The following KCNA6 variants were observed in gnomAD, a reference collection of about 807,000 sequenced individuals.
The protein encoded by KCNA6 is human brain potassium channel-2.
Under a neutral mutation model 29.5 loss-of-function variants are expected in KCNA6, and 17 were observed. That is an observed-to-expected ratio of 0.58 (90% CI 0.39 to 0.86). The LOEUF (loss-of-function observed/expected upper bound fraction) is 0.86, where lower values mean the gene tolerates loss of function less well. KCNA6 is among the 40% of genes least tolerant of loss of function. The pLI, the probability that KCNA6 is intolerant of heterozygous loss-of-function variation, is 0.00. For synonymous variants in KCNA6, 296 were observed against 304.7 expected (o/e 0.97, Z 0.30); for missense variants, 450 against 703.4 (o/e 0.64, Z 4.07).
At chr12:4,812,838 A>G (rs1946645089) in exon 1 of KCNA6, 1 of 167,108 alleles carries the variant, frequency 6.0e-6, no homozygotes, top group Non-Finnish European at 1.5e-5. Flanking sequence ...AGTCAAGCAA[A>G]CACTTGCCTG....
chr12:4,845,961 C>A, the KCNA6 span, among the ~76,000 whole-genome samples: 6 of 147,920 alleles, frequency 4.1e-5, no homozygotes, highest in East Asian at 1.2e-3. Flanking sequence ...CATACCTGGA[C>A]CAGACATGTT....
the KCNA6 span, among the ~76,000 whole-genome samples, chr12:4,828,091 C>T: frequency 6.6e-6 from 1 of 152,150 alleles, no homozygotes; most frequent in Non-Finnish European, 1.5e-5. Flanking sequence ...ATTTCTCCCC[C>T]AGACTAACTT....
the KCNA6 span, among the ~76,000 whole-genome samples, chr12:4,843,330 G>A: frequency 1.3e-5 from 2 of 151,758 alleles, no homozygotes; most frequent in Non-Finnish European, 2.9e-5. Context: ...ACAGGCACCC[G>A]CCACCACGCC....
At chr12:4,831,372 T>G in the KCNA6 span, among the ~76,000 whole-genome samples, 2 of 152,152 alleles carry the variant, frequency 1.3e-5, no homozygotes, top group African/African-American at 4.8e-5. Flanking sequence ...CCAGCCAAGT[T>G]AGTACCTGCT....
In KCNA6 at chr12:4,811,109, C is replaced by T; in HGVS notation, c.1068C>T (p.Ser356=). ...GGGTGTTCCGCATCTTCAAGCTCTCCCGCCACTCCAAGGGGCTGCAGATCC... is the reference window on the plus strand; with the variant it reads ...GGGTGTTCCGCATCTTCAAGCTCTCTCGCCACTCCAAGGGGCTGCAGATCC... Residue 356 remains serine (S), a synonymous_variant, in exon 1 of 1, where the codon TCC becomes TCT. Transcript: ENST00000280684. The surrounding 1 kb of genome is among the most constrained non-coding windows in gnomAD (Gnocchi z 7.1). The T allele has an allele frequency of 6.2e-7, 1 of 1,614,142 alleles. No homozygotes were observed. Among genetic ancestry groups the T allele is most frequent in the Non-Finnish European group, 8.5e-7 (1 of 1,179,976 alleles).
At chr12:4,826,448 T>C in the KCNA6 span, among the ~76,000 whole-genome samples, 2 of 152,220 alleles carry the variant, frequency 1.3e-5, no homozygotes, top group East Asian at 3.8e-4. Context: ...TCCTTTTCTG[T>C]ACATCTTGAG....
chr12:4,824,236 T>C, the KCNA6 span, among the ~76,000 whole-genome samples: 8,799 of 152,322 alleles, frequency 0.058, 282 homozygotes, highest in African/African-American at 0.088. Context: ...TTTGCCCACT[T>C]TGACAGAGTA....
In KCNA6 at chr12:4,811,631, A is replaced by G. The variant is rs759561831; in HGVS notation, c.1590A>G (p.Ter530TrpextTer12). 1.2e-6 allele frequency: 2 copies of G among 1,611,070 alleles called. No homozygotes were observed. The highest frequency in any genetic ancestry group is 1.1e-5 in the South Asian group (1 of 90,836). The change falls in exon 1 of 1, where the codon TGA (stop) becomes TGG (tryptophan). Residue 530 changes from the stop codon to tryptophan, a stop_lost. Transcript: ENST00000280684. This position sits in a 1 kb window ranked among gnomAD's most constrained non-coding sequence, Gnocchi z 7.1. ...AGAAAAGAATGCTCACGGAGGTCTGACCCATGCAGGCAGGGCCTGCAGGAG... is the reference window on the plus strand; with the variant it reads ...AGAAAAGAATGCTCACGGAGGTCTGGCCCATGCAGGCAGGGCCTGCAGGAG...
At chr12:4,839,377 C>T in the KCNA6 span, 2 of 152,196 alleles carry the variant, frequency 1.3e-5, no homozygotes, top group East Asian at 3.8e-4. Flanking sequence ...TATATTTTCT[C>T]TTCCTTATTA....
At chr12:4,837,300 C>T in the KCNA6 span, among the ~76,000 whole-genome samples, 3 of 150,782 alleles carry the variant, frequency 2.0e-5, no homozygotes, top group South Asian at 2.2e-4. Context: ...CTCTTCATCA[C>T]TATCCTTTGT....
chr12:4,824,184 C>T, the KCNA6 span, among the ~76,000 whole-genome samples: 1 of 152,146 alleles, frequency 6.6e-6, no homozygotes, highest in Non-Finnish European at 1.5e-5. Flanking sequence ...TGGTATGTGG[C>T]GAGCATTCAG....
At chr12:4,844,146 T>C in the KCNA6 span, among the ~76,000 whole-genome samples, 1 of 152,352 alleles carries the variant, frequency 6.6e-6, no homozygotes, top group South Asian at 2.1e-4. The surrounding 1 kb of genome is among the most constrained non-coding windows in gnomAD (Gnocchi z 4.0). Flanking sequence ...GCACCTACTA[T>C]GTGCCAGTCA....
the KCNA6 span, among the ~76,000 whole-genome samples, chr12:4,834,349 A>T: frequency 1.3e-5 from 2 of 152,226 alleles, no homozygotes; most frequent in Admixed American, 1.3e-4. Flanking sequence ...AGGGTGCAGA[A>T]GAAGAAACTT....
At chr12:4,817,951 A>C (rs932263627), downstream of KCNA6, among the ~76,000 whole-genome samples, 1 of 152,228 alleles carries the variant, frequency 6.6e-6, no homozygotes, top group African/African-American at 2.4e-5. Flanking sequence ...TCAAAAGGAA[A>C]TTGCAGCCAC....
the KCNA6 span, among the ~76,000 whole-genome samples, chr12:4,835,490 C>T: frequency 2.0e-5 from 3 of 152,134 alleles, no homozygotes; most frequent in African/African-American, 7.2e-5. Context: ...CCATTTCTCC[C>T]TGTTCCCACT....
chr12:4,840,195 TTATCTATCTATCTATCTATC>T, the KCNA6 span, among the ~76,000 whole-genome samples: 6 of 150,244 alleles, frequency 4.0e-5, no homozygotes, highest in East Asian at 2.0e-4. Context: ...ATGATGATTA[TTATCTATCTATCTATCTATC>T]TATCTATCTA....
chr12:4,832,535 G>T, the KCNA6 span, among the ~76,000 whole-genome samples: 25 of 152,064 alleles, frequency 1.6e-4, no homozygotes, highest in African/African-American at 5.3e-4. Context: ...TGTACCTCTG[G>T]CCCCTCTGTT....
the KCNA6 span, among the ~76,000 whole-genome samples, chr12:4,833,947 T>TTTTAA: frequency 6.9e-6 from 1 of 144,312 alleles, no homozygotes; most frequent in Non-Finnish European, 1.5e-5. Context: ...TTTTTTTTTT[T>TTTTAA]AGACAGGGTC....
At chr12:4,821,069 G>C in the KCNA6 span, among the ~76,000 whole-genome samples, 24,489 of 152,158 alleles carry the variant, frequency 0.16, 2,021 homozygotes, top group Non-Finnish European at 0.17. Flanking sequence ...GCAGAAACCA[G>C]TTTCTAGACT....
Sources: gnomAD v4.1 joint callset for allele counts (sites outside exome capture counted in the v4.1 genomes callset) on GRCh38, gnomAD v4.1.1 for gene constraint, Gnocchi (gnomAD v3.1) non-coding constraint, MANE v1.5 for transcripts, NCBI Gene and HGNC (gene_info 2026-07-23, HGNC 2026-07-21) for gene names.